Variants in TLE1 observed in about 807,000 individuals in gnomAD.
The protein encoded by TLE1 is transducin-like enhancer protein 1.
TLE1 carries 21 observed loss-of-function variants against 89.8 expected under a neutral mutation model. That is an observed-to-expected ratio of 0.23 (90% confidence interval 0.17 to 0.34). TLE1 has a LOEUF of 0.34. TLE1 is among the 10% of genes least tolerant of loss of function. TLE1 has a pLI of 1.00. For synonymous variants in TLE1, 447 were observed against 407.6 expected, an observed-to-expected ratio of 1.10 and a Z score of -1.16; for missense variants, 795 against 1,031.2, an observed-to-expected ratio of 0.77 and a Z score of 3.14.
chr9:81,599,904 T>A (rs9886672), intron 14 of TLE1: 129,136 of 505,590 alleles, frequency 0.26, 19,985 homozygotes, highest in East Asian at 0.56. Flanking sequence ...TATTTTCATT[T>A]ATTTTTTTTA....
chr9:81,678,995 A>C (rs1833254032), intron 4 of TLE1, among the ~76,000 whole-genome samples: 1 of 152,138 alleles, frequency 6.6e-6, no homozygotes, highest in African/African-American at 2.4e-5. Flanking sequence ...TAATTTAAAA[A>C]AAATTAACCA....
chr9:81,618,248 T>G (rs1224300026), intron 9 of TLE1, among the ~76,000 whole-genome samples: 3 of 152,216 alleles, frequency 2.0e-5, no homozygotes, highest in Non-Finnish European at 4.4e-5. Flanking sequence ...ATTCTCTTAC[T>G]GATGCTGTTG....
At chr9:81,653,881 T>G in intron 5 of TLE1, 93 bp downstream of exon 5, 1 of 1,176,300 alleles carries the variant, frequency 8.5e-7, no homozygotes, top group South Asian at 1.3e-5. Flanking sequence ...TTCACACTTG[T>G]TCCTTGTGAT....
intron 6 of TLE1, among the ~76,000 whole-genome samples, chr9:81,650,915 C>T (rs1037066556): frequency 5.3e-5 from 8 of 152,304 alleles, no homozygotes; most frequent in African/African-American, 1.7e-4. Context: ...CTGCCAATAG[C>T]TTACCACAGA....
chr9:81,616,594 T>C lies in TLE1; in HGVS notation c.765+52A>G, dbSNP rs894277485. On this transcript the variant is annotated intron_variant, in intron 10 of 19. Coordinates refer to ENST00000376499, the MANE Select transcript of TLE1 (RefSeq NM_005077.5). ...TTCATTCACTGTTAGTTTTTTTTCATAACATTATTCAAATCATTCTGAAGA... is the reference window on the plus strand; with the variant it reads ...TTCATTCACTGTTAGTTTTTTTTCACAACATTATTCAAATCATTCTGAAGA... The C allele has an allele frequency of 2.5e-6, 4 of 1,596,978 alleles. No individual in the cohort carries two copies. The African/African-American group carries it at 4.0e-5, about 16-fold the overall frequency.
At chr9:81,669,837 C>T (rs545319209) in intron 4 of TLE1, among the ~76,000 whole-genome samples, 7 of 152,238 alleles carry the variant, frequency 4.6e-5, no homozygotes, top group South Asian at 4.1e-4. Context: ...TTTATACCAA[C>T]GGTCCCCCTT....
At chr9:81,615,904 T>G (rs1180315529) in intron 11 of TLE1, 78 bp downstream of exon 11, 60 of 1,560,994 alleles carry the variant, frequency 3.8e-5, no homozygotes, top group Non-Finnish European at 5.1e-5. Context: ...ACCCCCACAT[T>G]TCCAATACTT....
At position 81,639,587 on chromosome 9, in the gene TLE1, T is replaced by G. The variant is rs942715972; in HGVS notation, c.373-5286A>C. Reference sequence around the variant, plus strand: ...ATTAGTAAAAGTTGTTTTTTTTTTTTGTTTTTTTTTTTTTTGAGACAGTCT... The same window carrying G: ...ATTAGTAAAAGTTGTTTTTTTTTTTGGTTTTTTTTTTTTTTGAGACAGTCT... On this transcript the variant is annotated intron_variant, in intron 6 of 19. Coordinates refer to ENST00000376499, the MANE Select transcript of TLE1 (RefSeq NM_005077.5). Among the ~76,000 whole-genome samples, 795 of 145,974 alleles carry G rather than the reference T, an allele frequency of 5.4e-3. 5 individuals are homozygous for G. Among genetic ancestry groups the G allele is most frequent in the Non-Finnish European group, 9.6e-3 (638 of 66,698 alleles).
In TLE1 at chr9:81,689,420, G is replaced by T. The variant is rs530280201; in HGVS notation, c.-1180C>A. 2.1e-4 allele frequency: 32 copies of T among 152,876 alleles called. 1 individual carries two copies. In the East Asian group the frequency reaches 5.5e-3, roughly 26 times the overall value. The allele number at this position is 152,876 out of a possible 1,614,324, so 9.5% of individuals were successfully genotyped here. On this transcript the variant is annotated 5_prime_UTR_variant, in exon 1 of 20. Coordinates refer to ENST00000376499, the MANE Select transcript of TLE1 (RefSeq NM_005077.5). Reference sequence around the variant, plus strand: ...GGGTCCCGCCCGGCCGTGCGAGGGTGGGGTGGCGCAGTCGGCTGCCTCCGG... The same window carrying T: ...GGGTCCCGCCCGGCCGTGCGAGGGTTGGGTGGCGCAGTCGGCTGCCTCCGG...
At position 81,636,508 on chromosome 9, in the gene TLE1, C is replaced by T. The variant is rs187340430; in HGVS notation, c.373-2207G>A. ...AGCAAGTGCAGCGGGTAATTAAGCA[C>T]GGCACTAATTAAAAGAAGATGAGAG... On this transcript the variant is annotated intron_variant, in intron 6 of 19. Transcript: ENST00000376499. 1.5e-3 allele frequency among the ~76,000 whole-genome samples: 233 copies of T among 151,882 alleles called. 6 individuals carry two copies. The East Asian group carries it at 0.038, about 24-fold the overall frequency.
intron 4 of TLE1, among the ~76,000 whole-genome samples, chr9:81,663,855 A>C (rs1588170937): frequency 6.6e-6 from 1 of 151,460 alleles, no homozygotes; most frequent in Non-Finnish European, 1.5e-5. Flanking sequence ...CGATCTTCTG[A>C]CCTCGTGATC....
intron 14 of TLE1, among the ~76,000 whole-genome samples, chr9:81,597,968 A>G (rs1830445242): frequency 1.3e-5 from 2 of 152,200 alleles, no homozygotes; most frequent in South Asian, 2.1e-4. Context: ...AGGTGTTTAC[A>G]GGGTTGTTGG....
intron 4 of TLE1, among the ~76,000 whole-genome samples, chr9:81,658,519 A>T (rs1830408128): frequency 6.6e-6 from 1 of 152,120 alleles, no homozygotes; most frequent in Admixed American, 6.5e-5. Context: ...CTAATCTTAA[A>T]CTATACTGAC....
intron 4 of TLE1, among the ~76,000 whole-genome samples, chr9:81,656,247 C>T (rs996909784): frequency 6.7e-6 from 1 of 149,302 alleles, no homozygotes; most frequent in East Asian, 1.9e-4. Flanking sequence ...TCATGGCTCT[C>T]CTCGAAAGCA....
chr9:81,594,579 G>T (rs1219845234), intron 14 of TLE1, among the ~76,000 whole-genome samples: 1 of 151,782 alleles, frequency 6.6e-6, no homozygotes, highest in African/African-American at 2.4e-5. Context: ...CTACTTTGAA[G>T]ACCACTACTT....
intron 14 of TLE1, among the ~76,000 whole-genome samples, chr9:81,604,230 T>C (rs901478025): frequency 1.3e-5 from 2 of 152,194 alleles, no homozygotes; most frequent in Admixed American, 6.5e-5. Flanking sequence ...CATCCTAGGC[T>C]GTGAGCTCCC....
At position 81,634,255 on chromosome 9, in the gene TLE1, G is replaced by A; in HGVS notation, c.419C>T (p.Pro140Leu). 1.3e-6 allele frequency: 2 copies of A among 1,565,652 alleles called. No individual in the cohort carries two copies. Among genetic ancestry groups the A allele is most frequent in the South Asian group, 1.2e-5 (1 of 84,802 alleles). The change falls in exon 7 of 20, where the codon CCA (proline) becomes CTA (leucine). Residue 140 changes from proline to leucine, a missense_variant. Transcript: ENST00000376499. ...AQHLSHGHGP[P>L]VPLTPHPSGL... ...CGAAGGGTGAGGCGTAAGGGGAACT[G>A]GGGGTCCGTGGCCATGAGAAAGATG...
At chr9:81,688,190 C>A (rs762906318) in intron 1 of TLE1, 27 bp downstream of exon 1, 2 of 1,600,344 alleles carry the variant, frequency 1.2e-6, no homozygotes, top group East Asian at 2.3e-5. Flanking sequence ...GATCCTGGCC[C>A]CCCACCACCA....
intron 6 of TLE1, 46 bp from the exon 7 acceptor site, chr9:81,634,347 G>T: frequency 7.1e-7 from 1 of 1,415,020 alleles, no homozygotes. Context: ...GGAGGAGGAG[G>T]TAGTGGTGAC....
Sources: gnomAD v4.1 joint callset for allele counts (sites outside exome capture counted in the v4.1 genomes callset) on GRCh38, gnomAD v4.1.1 for gene constraint, MANE v1.5 for transcripts, NCBI Gene and HGNC (gene_info 2026-07-23, HGNC 2026-07-21) for gene names.